TNFSF4: variants seen among roughly 807,000 people sequenced by gnomAD.
The protein encoded by TNFSF4 is TNF superfamily member 4.
Under a neutral mutation model 7.3 loss-of-function variants are expected in TNFSF4, and 4 were observed. The ratio of observed to expected loss-of-function variants is 0.55; its 90% confidence interval spans 0.27 to 1.25. TNFSF4 has a LOEUF of 1.25. Among genes scored for constraint, TNFSF4 ranks in the 50% most tolerant of loss-of-function variants. The pLI is 0.12. For missense variants in TNFSF4, 181 were observed against 208.8 expected (o/e 0.87, Z 0.82); for synonymous variants, 76 against 83.7 (o/e 0.91, Z 0.50).
chr1:173,269,613 G>A, the TNFSF4 span, among the ~76,000 whole-genome samples: 2 of 152,064 alleles, frequency 1.3e-5, no homozygotes, highest in Admixed American at 6.6e-5. Flanking sequence ...ACTAACAGGC[G>A]GGTAGCATGG....
intron 1 of TNFSF4, among the ~76,000 whole-genome samples, chr1:173,190,033 A>C (rs1649407074): frequency 6.7e-6 from 1 of 150,248 alleles, no homozygotes; most frequent in Non-Finnish European, 1.5e-5. Flanking sequence ...AACATGGTGA[A>C]ACCCCATCTC....
At chr1:173,249,456 T>TA in the TNFSF4 span, among the ~76,000 whole-genome samples, 1 of 152,202 alleles carries the variant, frequency 6.6e-6, no homozygotes, top group African/African-American at 2.4e-5. Context: ...GCTATACTCT[T>TA]AGTGTCTCTT....
the TNFSF4 span, among the ~76,000 whole-genome samples, chr1:173,387,602 G>A: frequency 6.6e-6 from 1 of 152,178 alleles, no homozygotes; most frequent in Non-Finnish European, 1.5e-5. Flanking sequence ...ATTCCTTCCT[G>A]AAACTGATAG....
At chr1:173,378,885 C>A in the TNFSF4 span, among the ~76,000 whole-genome samples, 2 of 120,864 alleles carry the variant, frequency 1.7e-5, no homozygotes, top group East Asian at 2.6e-4. Context: ...CCTCCCCCCC[C>A]ACCACAGGCT....
the TNFSF4 span, among the ~76,000 whole-genome samples, chr1:173,217,410 T>C: frequency 5.3e-5 from 8 of 152,230 alleles, no homozygotes; most frequent in African/African-American, 1.9e-4. Flanking sequence ...AGCATTACTA[T>C]TTCTAATTGA....
the TNFSF4 span, among the ~76,000 whole-genome samples, chr1:173,342,246 T>A: frequency 6.6e-6 from 1 of 152,146 alleles, no homozygotes; most frequent in African/African-American, 2.4e-5. Flanking sequence ...GAAATAACCA[T>A]GAAATCTGCC....
the TNFSF4 span, among the ~76,000 whole-genome samples, chr1:173,396,891 T>C: frequency 4.6e-5 from 7 of 152,200 alleles, no homozygotes; most frequent in Non-Finnish European, 1.0e-4. Context: ...TGAAAAGCCT[T>C]GTGATTGCTC....
chr1:173,176,589 G>A, the TNFSF4 span, among the ~76,000 whole-genome samples: 25 of 152,266 alleles, frequency 1.6e-4, no homozygotes, highest in South Asian at 4.4e-3. Flanking sequence ...TCTGAAAACA[G>A]AACTATCATT....
the TNFSF4 span, among the ~76,000 whole-genome samples, chr1:173,375,170 T>C: frequency 6.6e-6 from 1 of 152,320 alleles, no homozygotes; most frequent in East Asian, 1.9e-4. Context: ...CTTGTCAAAT[T>C]TGTTTCCTCC....
the TNFSF4 span, among the ~76,000 whole-genome samples, chr1:173,360,352 C>G: frequency 6.6e-6 from 1 of 152,220 alleles, no homozygotes; most frequent in South Asian, 2.1e-4. Flanking sequence ...CAAGTCACTG[C>G]TGACTGTGGC....
chr1:173,422,655 A>G, the TNFSF4 span, among the ~76,000 whole-genome samples: 1 of 152,206 alleles, frequency 6.6e-6, no homozygotes, highest in Non-Finnish European at 1.5e-5. Context: ...CATTCCAAGC[A>G]GTGGAGGCAA....
chr1:173,292,352 T>A, the TNFSF4 span, among the ~76,000 whole-genome samples: 1 of 152,084 alleles, frequency 6.6e-6, no homozygotes, highest in Non-Finnish European at 1.5e-5. Flanking sequence ...TAAATGTGAC[T>A]CACCACATAA....
chr1:173,364,706 C>G, the TNFSF4 span, among the ~76,000 whole-genome samples: 2 of 151,866 alleles, frequency 1.3e-5, no homozygotes, highest in African/African-American at 2.4e-5. Flanking sequence ...AAACAGTGTT[C>G]GGTACTCTTT....
chr1:173,398,431 T>TTTTTTTTTTTTTG, the TNFSF4 span, among the ~76,000 whole-genome samples: 1 of 124,466 alleles, frequency 8.0e-6, no homozygotes, highest in African/African-American at 3.1e-5. Context: ...TTTTTTTTTT[T>TTTTTTTTTTTTTG]GTTCTCTTTT....
the TNFSF4 span, among the ~76,000 whole-genome samples, chr1:173,262,595 A>ATTT: frequency 1.6e-5 from 2 of 127,158 alleles, no homozygotes; most frequent in Admixed American, 8.9e-5. Flanking sequence ...AGCCCAAAAG[A>ATTT]TTCTTTTTTT....
At chr1:173,372,969 G>T in the TNFSF4 span, among the ~76,000 whole-genome samples, 3 of 152,066 alleles carry the variant, frequency 2.0e-5, no homozygotes, top group African/African-American at 4.8e-5. Flanking sequence ...CATAGTTAGT[G>T]ATGTAACAGT....
At chr1:173,251,491 G>A in the TNFSF4 span, among the ~76,000 whole-genome samples, 3 of 152,176 alleles carry the variant, frequency 2.0e-5, no homozygotes, top group African/African-American at 4.8e-5. Flanking sequence ...GAATAGATGA[G>A]GCAATCTCAC....
chr1:173,258,726 G>A, the TNFSF4 span, among the ~76,000 whole-genome samples: 1 of 152,178 alleles, frequency 6.6e-6, no homozygotes, highest in African/African-American at 2.4e-5. Flanking sequence ...CAGCAGCTGT[G>A]GCAGATTGTG....
chr1:173,432,900 GAAGAA>G, the TNFSF4 span, among the ~76,000 whole-genome samples: 1 of 152,172 alleles, frequency 6.6e-6, no homozygotes, highest in Non-Finnish European at 1.5e-5. Context: ...GCTATTAAGA[GAAGAA>G]AAGTGACAAT....
Sources: allele counts gnomAD v4.1 joint callset (sites outside exome capture counted in the v4.1 genomes callset), GRCh38; gene constraint gnomAD v4.1.1; transcripts MANE v1.5; gene names NCBI Gene and HGNC (gene_info 2026-07-23, HGNC 2026-07-21).